INPP5F: variants seen among roughly 807,000 people sequenced by gnomAD.
INPP5F encodes phosphatidylinositide 4-phosphatase SAC2.
In INPP5F, 97 loss-of-function variants were observed where a neutral mutation model predicts 137.2. That is an observed-to-expected ratio of 0.71 (90% confidence interval 0.60 to 0.84). The LOEUF (loss-of-function observed/expected upper bound fraction) is 0.84. Ranked by LOEUF, INPP5F falls within the 40% of genes least tolerant of loss-of-function variation. INPP5F has a pLI of 0.00. For synonymous variants in INPP5F, 504 were observed against 476.9 expected (o/e 1.06, Z -0.74); for missense variants, 1,271 against 1,371.9 (o/e 0.93, Z 1.16).
rs1216674366 is a variant in INPP5F at position 119,811,739 on chromosome 10, T to A, written c.1688-18T>A. ...TAGTAAACTAAAATGATGATAGATA[T>A]TAACAATTCCACCCTAGATTTGATG... On this transcript the variant is annotated intron_variant, in intron 14 of 19. Coordinates refer to ENST00000650623, the MANE Select transcript of INPP5F (RefSeq NM_014937.4). 6.3e-7 allele frequency: 1 copy of A among 1,588,170 alleles called. No homozygotes were observed. Among genetic ancestry groups the A allele is most frequent in the African/African-American group, 1.4e-5 (1 of 73,796 alleles).
In INPP5F at chr10:119,748,891, G is replaced by A. The variant is rs1431925248; in HGVS notation, c.98-2185G>A. Among the ~76,000 whole-genome samples the A allele has an allele frequency of 6.6e-6, 1 of 152,200 alleles. No individual in the cohort carries two copies. The highest frequency in any genetic ancestry group is 1.5e-5 in the Non-Finnish European group (1 of 68,020). On this transcript the variant is annotated intron_variant, in intron 1 of 19. Transcript: ENST00000650623. The surrounding 1 kb of genome is among the most constrained non-coding windows in gnomAD (Gnocchi z 4.7). ...TGCCCCTTTCTGGACAGGAACCTGT[G>A]TCTGTCTCCCTCCACTGCCCAGGCT...
At chr10:119,726,650 AG>A (rs985604053) in intron 1 of INPP5F, among the ~76,000 whole-genome samples, 1 of 152,086 alleles carries the variant, frequency 6.6e-6, no homozygotes, top group Non-Finnish European at 1.5e-5. Context: ...GGCCGAGGGG[AG>A]GGGGTCCCCT....
chr10:119,802,357 G>GAATCACT (rs1398503351), intron 9 of INPP5F, among the ~76,000 whole-genome samples: 1 of 152,146 alleles, frequency 6.6e-6, no homozygotes, highest in Non-Finnish European at 1.5e-5. Flanking sequence ...ATGGTATTGG[G>GAATCACT]AATCACTATT....
intron 3 of INPP5F, among the ~76,000 whole-genome samples, chr10:119,786,755 G>A (rs983295268): frequency 2.6e-5 from 4 of 151,922 alleles, no homozygotes; most frequent in African/African-American, 9.7e-5. Context: ...CTGGGCTTAA[G>A]CAATCTGCCT....
intron 6 of INPP5F, among the ~76,000 whole-genome samples, chr10:119,794,737 G>A (rs1228349118): frequency 1.2e-5 from 1 of 83,812 alleles, no homozygotes; most frequent in African/African-American, 4.4e-5. Context: ...GGCTGGCCAG[G>A]TGGGGGGGCT....
At position 119,798,786 on chromosome 10, in the gene INPP5F, CTTTTTTTTTTTT is replaced by C. The variant is rs374141329; in HGVS notation, c.1116+190_1116+201del. On this transcript the variant is annotated intron_variant, in intron 9 of 19. Coordinates refer to ENST00000650623, the MANE Select transcript of INPP5F (RefSeq NM_014937.4). ...TTAAGAATAATCATTGAGTCAGCTA[CTTTTTTTTTTTT>C]TTTTTTTTTTTTTAAAGAGACACTG... 1.1e-4 allele frequency among the ~76,000 whole-genome samples: 11 copies of C among 100,710 alleles called. No homozygotes were observed. The South Asian group carries it at 1.6e-3, about 15-fold the overall frequency. The allele number at this position is 100,710 out of a possible 152,430, so 66.1% of individuals were successfully genotyped here.
chr10:119,804,215 A>G lies in INPP5F; in HGVS notation c.1159A>G (p.Ile387Val). The G allele has an allele frequency of 6.2e-7, 1 of 1,611,358 alleles. No individual in the cohort carries two copies. Among genetic ancestry groups the G allele is most frequent in the Non-Finnish European group, 8.5e-7 (1 of 1,177,962 alleles). Residue 387 changes from isoleucine (I) to valine (V), a missense_variant, in exon 10 of 20, where the codon ATT becomes GTT. Physicochemically the swap from Ile to Val is conservative, Grantham distance 29. Transcript: ENST00000650623. The part of the protein sequence containing the change: ...LVDQAGREKI[I>V]GDAYLKQVLL... ...AGACCAGGCAGGAAGAGAGAAGATTATTGGCGATGCTTACCTGAAGCAAGT... is the reference window on the plus strand; with the variant it reads ...AGACCAGGCAGGAAGAGAGAAGATTGTTGGCGATGCTTACCTGAAGCAAGT...
chr10:119,790,874 G>A (rs543889696), intron 3 of INPP5F, among the ~76,000 whole-genome samples: 1 of 152,278 alleles, frequency 6.6e-6, no homozygotes, highest in East Asian at 1.9e-4. Context: ...CCGTATTCAC[G>A]CTCCCACGCC....
chr10:119,729,578 CT>C (rs10716310), intron 1 of INPP5F, among the ~76,000 whole-genome samples: 78,090 of 142,396 alleles, frequency 0.55, 21,142 homozygotes, highest in East Asian at 0.67. Context: ...ATCTCATTAT[CT>C]TTTTTTTTTT....
At chr10:119,730,099 T>A (rs774299978) in intron 1 of INPP5F, among the ~76,000 whole-genome samples, 6 of 152,038 alleles carry the variant, frequency 3.9e-5, no homozygotes, top group African/African-American at 7.2e-5. Context: ...GACTACTACT[T>A]CTCTTTTCTT....
chr10:119,732,748 G>T (rs1317736968), intron 1 of INPP5F, among the ~76,000 whole-genome samples: 1 of 152,080 alleles, frequency 6.6e-6, no homozygotes, highest in Non-Finnish European at 1.5e-5. Context: ...TGATCTGCCT[G>T]CCTCAGCCTC....
rs139896907 is a variant in INPP5F at position 119,827,962 on chromosome 10, C to A, written c.*182C>A. 8.4e-4 allele frequency: 469 copies of A among 561,294 alleles called. 2 individuals are homozygous for A. The highest frequency in any genetic ancestry group is 8.2e-3 in the African/African-American group (436 of 53,156). The allele number at this position is 561,294 out of a possible 1,614,324, so 34.8% of individuals were successfully genotyped here. The stretch of plus-strand genomic sequence containing the variant: ...TTTTACAGCCAGGACTACAGAAGTG[C>A]ATCATTCTAGAATGTGTAGACCTGA... On this transcript the variant is annotated 3_prime_UTR_variant, in exon 20 of 20. Coordinates refer to ENST00000650623, the MANE Select transcript of INPP5F (RefSeq NM_014937.4).
chr10:119,742,152 C>CTTTTTTAT (rs1554883935), intron 1 of INPP5F, among the ~76,000 whole-genome samples: 1 of 150,106 alleles, frequency 6.7e-6, no homozygotes, highest in African/African-American at 2.5e-5. Flanking sequence ...TGTTATTTTA[C>CTTTTTTAT]TTATTTATTT....
At chr10:119,802,155 G>T (rs577722535) in intron 9 of INPP5F, among the ~76,000 whole-genome samples, 1 of 152,238 alleles carries the variant, frequency 6.6e-6, no homozygotes, top group East Asian at 1.9e-4. Context: ...CTGGGAACAG[G>T]TTTTCTGCTC....
intron 13 of INPP5F, 47 bp from the exon 14 acceptor site, chr10:119,810,053 C>A: frequency 2.0e-6 from 2 of 1,020,268 alleles, no homozygotes; most frequent in Non-Finnish European, 3.1e-6. Flanking sequence ...ATTTTGGGGG[C>A]ATTCTTGTGT....
At chr10:119,756,133 G>T (rs1425245208) in intron 2 of INPP5F, among the ~76,000 whole-genome samples, 2 of 152,006 alleles carry the variant, frequency 1.3e-5, no homozygotes, top group East Asian at 3.9e-4. Context: ...TCCAGCCTGG[G>T]TGACAGAGCA....
intron 3 of INPP5F, among the ~76,000 whole-genome samples, chr10:119,790,117 AGAGT>A (rs367927188): frequency 6.6e-6 from 1 of 151,892 alleles, no homozygotes; most frequent in Admixed American, 6.6e-5. Flanking sequence ...TGAGGAGTGC[AGAGT>A]GAGTAAGAGG....
At chr10:119,775,800 A>G (rs1197797054) in intron 2 of INPP5F, among the ~76,000 whole-genome samples, 1 of 152,166 alleles carries the variant, frequency 6.6e-6, no homozygotes, top group African/African-American at 2.4e-5. Context: ...CTAAAAGGGA[A>G]GTTTAAAAAA....
chr10:119,797,397 T>TAA (rs1446826247), intron 7 of INPP5F, 64 bp from the exon 8 acceptor site: 1 of 1,273,808 alleles, frequency 7.9e-7, no homozygotes, highest in African/African-American at 1.5e-5. Context: ...TTAGGAAGCA[T>TAA]AATCTAGCCA....
Sources: gnomAD v4.1 joint callset for allele counts (sites outside exome capture counted in the v4.1 genomes callset) on GRCh38, gnomAD v4.1.1 for gene constraint, Gnocchi (gnomAD v3.1) non-coding constraint, MANE v1.5 for transcripts, NCBI Gene and HGNC (gene_info 2026-07-23, HGNC 2026-07-21) for gene names.